STRAP: variants seen among roughly 807,000 people sequenced by gnomAD.
STRAP encodes the protein serine/threonine kinase receptor associated protein, also known as serine-threonine kinase receptor-associated protein.
Under a neutral mutation model 47.0 loss-of-function variants are expected in STRAP, and 16 were observed. The observed-to-expected ratio is 0.34, with a 90% CI of 0.23 to 0.52. The LOEUF (loss-of-function observed/expected upper bound fraction) is 0.52, where lower values mean the gene tolerates loss of function less well. Ranked by LOEUF, STRAP falls within the 20% of genes least tolerant of loss-of-function variation. The pLI is 0.96. For missense variants in STRAP, 293 were observed against 420.0 expected (o/e 0.70, Z 2.64); for synonymous variants, 130 against 142.7 (o/e 0.91, Z 0.63).
At chr12:15,899,782 G>A in intron 7 of STRAP, 122 bp from the exon 8 acceptor site, 2 of 885,756 alleles carry the variant, frequency 2.3e-6, no homozygotes, top group Non-Finnish European at 3.5e-6. Flanking sequence ...TTAAGTACAG[G>A]TTTTAATGTT....
At chr12:15,884,181 C>G (rs542570901) in intron 2 of STRAP, among the ~76,000 whole-genome samples, 2 of 152,294 alleles carry the variant, frequency 1.3e-5, no homozygotes, top group South Asian at 4.1e-4. Flanking sequence ...TCTTGATTTT[C>G]CCTTATATCT....
At chr12:15,883,516 A>G in intron 1 of STRAP, 25 bp from the exon 2 acceptor site, 1 of 1,601,112 alleles carries the variant, frequency 6.2e-7, no homozygotes, top group Non-Finnish European at 8.5e-7. Context: ...CTTATAAATT[A>G]CATGTTTTAA....
chr12:15,883,429 C>T, intron 1 of STRAP, 112 bp from the exon 2 acceptor site: 8 of 1,258,820 alleles, frequency 6.4e-6, no homozygotes, highest in Non-Finnish European at 8.7e-6. Flanking sequence ...AGTTAAATAG[C>T]TGAAACAATT....
At chr12:15,902,211 A>T (rs1948109712) in intron 9 of STRAP, among the ~76,000 whole-genome samples, 1 of 152,120 alleles carries the variant, frequency 6.6e-6, no homozygotes, top group Admixed American at 6.5e-5. Flanking sequence ...TGACCTCATG[A>T]TCTGCCCACC....
In STRAP at chr12:15,890,132, TTGGTTCATATTTG is replaced by T; in HGVS notation, c.330+124_330+136del. On this transcript the variant is annotated intron_variant, in intron 3 of 9. Transcript: ENST00000419869. This position sits in a 1 kb window ranked among gnomAD's most constrained non-coding sequence, Gnocchi z 4.5. ...TTTTGTGTGGAATATTTGTTATTTC[TTGGTTCATATTTG>T]ATTTGATTGTGTATTAAGCTCTATG... 2.2e-6 allele frequency: 2 copies of T among 907,170 alleles called. No homozygotes were observed. The highest frequency in any genetic ancestry group is 3.4e-6 in the Non-Finnish European group (2 of 582,668). The allele number at this position is 907,170 out of a possible 1,614,324, so 56.2% of individuals were successfully genotyped here.
intron 4 of STRAP, among the ~76,000 whole-genome samples, chr12:15,892,388 T>G (rs1476019970): frequency 6.6e-6 from 1 of 152,152 alleles, no homozygotes; most frequent in Non-Finnish European, 1.5e-5. Flanking sequence ...CCAGTCTACA[T>G]GTTTATTTTA....
intron 2 of STRAP, among the ~76,000 whole-genome samples, chr12:15,886,459 C>T (rs80344117): frequency 0.01 from 1,541 of 152,198 alleles, 29 homozygotes; most frequent in African/African-American, 0.034. Context: ...TCTTAAATGT[C>T]GGCTTTCATA....
chr12:15,895,503 C>A lies in STRAP; in HGVS notation c.638+7C>A. 1 of 1,579,992 alleles carries A rather than the reference C, an allele frequency of 6.3e-7. No homozygotes were observed. Among genetic ancestry groups the A allele is most frequent in the South Asian group, 1.2e-5 (1 of 83,392 alleles). ...CTTTTCATAGTGCAGTAAGGTATGT[C>A]CAAGAAATACTTTCATTTTCTTTTT... On this transcript the variant is annotated splice_region_variant and intron_variant, in intron 6 of 9. Transcript: ENST00000419869.
At chr12:15,884,798 A>G (rs1947955302) in intron 2 of STRAP, among the ~76,000 whole-genome samples, 1 of 152,084 alleles carries the variant, frequency 6.6e-6, no homozygotes, top group African/African-American at 2.4e-5. Flanking sequence ...CCTGATGTGC[A>G]GTCATAGAAT....
chr12:15,882,937 A>C, intron 1 of STRAP, 118 bp downstream of exon 1: 1 of 1,338,666 alleles, frequency 7.5e-7, no homozygotes, highest in African/African-American at 1.4e-5. Context: ...CGATATTAAC[A>C]TCTGAGATGA....
chr12:15,891,407 A>G (rs991987818), intron 4 of STRAP, among the ~76,000 whole-genome samples: 2 of 152,192 alleles, frequency 1.3e-5, no homozygotes, highest in Non-Finnish European at 1.5e-5. Flanking sequence ...CTGCAGTTAC[A>G]GTTTTTTCAT....
chr12:15,893,051 C>G (rs1278149479), intron 4 of STRAP, among the ~76,000 whole-genome samples: 2 of 152,180 alleles, frequency 1.3e-5, no homozygotes, highest in Admixed American at 6.5e-5. Context: ...AGTTAAGTAA[C>G]ATGCCCAAAG....
chr12:15,893,470 C>A (rs557104181), intron 4 of STRAP, among the ~76,000 whole-genome samples: 2 of 145,448 alleles, frequency 1.4e-5, no homozygotes, highest in African/African-American at 5.0e-5. Flanking sequence ...TAAATATATA[C>A]TTTTTATTAT....
intron 1 of STRAP, 49 bp from the exon 2 acceptor site, chr12:15,883,492 T>G: frequency 6.4e-7 from 1 of 1,561,650 alleles, no homozygotes; most frequent in Non-Finnish European, 8.7e-7. Context: ...ATCTTAGACT[T>G]TAAGTAATCT....
Position 15,899,947 on chromosome 12 carries a change from T to C in STRAP, c.819T>C (p.Phe273=), listed in dbSNP as rs577936344. ...TTGGTCCTATTCACTGTGTGAGATT[T>C]AGTCCTGATGGAGAACTCTATGCCA... ...GHFGPIHCVR[F]SPDGELYASG... The change falls in exon 8 of 10, where the codon TTT becomes TTC. Residue 273 remains phenylalanine (F), a synonymous_variant. Coordinates refer to ENST00000419869, the MANE Select transcript of STRAP (RefSeq NM_007178.4). The C allele has an allele frequency of 6.2e-7, 1 of 1,613,740 alleles. No individual in the cohort carries two copies. Among genetic ancestry groups the C allele is most frequent in the South Asian group, 1.1e-5 (1 of 91,056 alleles).
In STRAP at chr12:15,882,829, G is replaced by A. The variant is rs1196128771; in HGVS notation, c.112+10G>A. 6.2e-7 allele frequency: 1 copy of A among 1,608,934 alleles called. No individual in the cohort carries two copies. The highest frequency in any genetic ancestry group is 2.2e-5 in the East Asian group (1 of 44,800). On this transcript the variant is annotated intron_variant, in intron 1 of 9. Coordinates refer to ENST00000419869, the MANE Select transcript of STRAP (RefSeq NM_007178.4). The stretch of plus-strand genomic sequence containing the variant: ...ATCAGCGCTTGCAAAGGTGAGCAAG[G>A]CCGCAATCCTGGTCCTCGACGGCTG...
intron 8 of STRAP, 96 bp downstream of exon 8, chr12:15,900,149 A>G (rs1191848605): frequency 1.6e-6 from 2 of 1,260,950 alleles, no homozygotes; most frequent in South Asian, 1.5e-5. Context: ...TGTTTTCTAT[A>G]AATTTTAAAT....
At position 15,882,494 on chromosome 12, in the gene STRAP, T is replaced by C; in HGVS notation, c.-214T>C. On this transcript the variant is annotated 5_prime_UTR_variant, in exon 1 of 10. Transcript: ENST00000419869. The stretch of plus-strand genomic sequence containing the variant: ...TCCTCCCTCCCTCCCTTTCCCTCCC[T>C]CGTCGACTGTTGCTTGCTGGTCGCA... The C allele has an allele frequency of 3.0e-6, 1 of 332,236 alleles. No individual in the cohort carries two copies. Among genetic ancestry groups the C allele is most frequent in the Admixed American group, 4.1e-5 (1 of 24,292 alleles). The allele number at this position is 332,236 out of a possible 1,614,324, so 20.6% of individuals were successfully genotyped here.
chr12:15,892,373 C>G (rs974210388), intron 4 of STRAP, among the ~76,000 whole-genome samples: 1 of 152,086 alleles, frequency 6.6e-6, no homozygotes, highest in Admixed American at 6.5e-5. Context: ...TTATAGGTGT[C>G]TTCCCCAGTC....
Sources: allele counts gnomAD v4.1 joint callset (sites outside exome capture counted in the v4.1 genomes callset), GRCh38; gene constraint gnomAD v4.1.1; non-coding constraint Gnocchi (gnomAD v3.1); transcripts MANE v1.5; gene names NCBI Gene and HGNC (gene_info 2026-07-23, HGNC 2026-07-21).